The following TAOK1 variants were observed in gnomAD, a reference collection of about 807,000 sequenced individuals.
The protein encoded by TAOK1 is TAO kinase 1.
TAOK1 carries 21 observed loss-of-function variants against 138.3 expected under a neutral mutation model. That is an observed-to-expected ratio of 0.15 (90% CI 0.11 to 0.22). TAOK1 has a LOEUF of 0.22. Ranked by LOEUF, TAOK1 falls within the 10% of genes least tolerant of loss-of-function variation. The probability of loss-of-function intolerance (pLI) is 1.00; values close to 1 mark genes in which losing one functional copy is unlikely to be tolerated. For synonymous variants in TAOK1, 361 were observed against 398.4 expected (o/e 0.91, Z 1.12); for missense variants, 651 against 1,227.7 (o/e 0.53, Z 7.02).
In TAOK1 at chr17:29,475,787, C is replaced by T. The variant is rs2030930268; in HGVS notation, c.306+16C>T. On this transcript the variant is annotated intron_variant, in intron 4 of 19. Coordinates refer to ENST00000261716, the MANE Select transcript of TAOK1 (RefSeq NM_020791.4). ...CACAGCATGGGTTGGTATTTGTTCTCCCCTTGTTGCAGTTTTAGCTGATTT... is the reference window on the plus strand; with the variant it reads ...CACAGCATGGGTTGGTATTTGTTCTTCCCTTGTTGCAGTTTTAGCTGATTT... 1 of 1,582,860 alleles carries T rather than the reference C, an allele frequency of 6.3e-7. No homozygotes were observed. The highest frequency in any genetic ancestry group is 8.7e-7 in the Non-Finnish European group (1 of 1,153,478).
chr17:29,483,602 T>C (rs537103664), intron 8 of TAOK1, among the ~76,000 whole-genome samples: 24 of 152,300 alleles, frequency 1.6e-4, no homozygotes, highest in African/African-American at 5.3e-4. Context: ...CAGTTTTTTT[T>C]CCCTAAAATG....
intron 14 of TAOK1, 38 bp from the exon 15 acceptor site, chr17:29,510,826 C>T (rs920248523): frequency 3.4e-5 from 50 of 1,482,766 alleles, no homozygotes; most frequent in Non-Finnish European, 4.4e-5. Flanking sequence ...ACTTTATCTA[C>T]TTAACTAAAT....
At chr17:29,489,013 G>A (rs531562445) in intron 8 of TAOK1, among the ~76,000 whole-genome samples, 1 of 152,262 alleles carries the variant, frequency 6.6e-6, no homozygotes, top group African/African-American at 2.4e-5. Flanking sequence ...ATATTATTGG[G>A]ACATCTGAAT....
chr17:29,520,607 G>T (rs2150766574), intron 16 of TAOK1, among the ~76,000 whole-genome samples: 1 of 151,872 alleles, frequency 6.6e-6, no homozygotes, highest in Middle Eastern at 3.4e-3. Flanking sequence ...TAGAGACTGG[G>T]TTTCACCATG....
intron 14 of TAOK1, among the ~76,000 whole-genome samples, chr17:29,509,489 A>C (rs1189097105): frequency 6.6e-6 from 1 of 152,006 alleles, no homozygotes; most frequent in Non-Finnish European, 1.5e-5. Flanking sequence ...GATGTGAGCC[A>C]CCACACTTGA....
intron 3 of TAOK1, among the ~76,000 whole-genome samples, chr17:29,468,762 T>C (rs1265929723): frequency 6.6e-6 from 1 of 152,030 alleles, no homozygotes; most frequent in Non-Finnish European, 1.5e-5. Flanking sequence ...TTGGCCAGGC[T>C]GGTCTTGAAC....
chr17:29,424,631 G>A (rs1905577178), intron 1 of TAOK1: 1 of 152,034 alleles, frequency 6.6e-6, no homozygotes, highest in Non-Finnish European at 1.5e-5. Context: ...AGTAGGAGAT[G>A]CCTATTTTTG....
chr17:29,531,459 T>G (rs1351676998), intron 18 of TAOK1, among the ~76,000 whole-genome samples: 1 of 105,192 alleles, frequency 9.5e-6, no homozygotes, highest in Admixed American at 1.2e-4. Context: ...TTTGTAAACT[T>G]TTTTTTAAAG....
Position 29,406,299 on chromosome 17 carries a change from G to T in TAOK1, c.-95+15275G>T, listed in dbSNP as rs144810862. ...AACCATTTATTTAACTGTTATACAG[G>T]TAGAGTTAAGGGGTGTTTAGGAGTA... On this transcript the variant is annotated intron_variant, in intron 1 of 19. Coordinates refer to ENST00000261716, the MANE Select transcript of TAOK1 (RefSeq NM_020791.4). Among the ~76,000 whole-genome samples, 374 of 152,054 alleles carry T rather than the reference G, an allele frequency of 2.5e-3. 1 individual carries two copies. The highest frequency in any genetic ancestry group is 4.1e-3 in the Non-Finnish European group (280 of 68,006).
intron 17 of TAOK1, among the ~76,000 whole-genome samples, chr17:29,529,183 C>G (rs1047230772): frequency 6.6e-6 from 1 of 152,116 alleles, no homozygotes; most frequent in East Asian, 1.9e-4. Flanking sequence ...TATGTTGGCT[C>G]AGGCTAGTCT....
At position 29,495,744 on chromosome 17, in the gene TAOK1, T is replaced by A. The variant is rs1567734830; in HGVS notation, c.999+17T>A. ...GAAGAAGAGGTAAGAGATAAAAAAA[T>A]GACTCCAATATTGAATTTTCACTTT... On this transcript the variant is annotated intron_variant, in intron 11 of 19. Coordinates refer to ENST00000261716, the MANE Select transcript of TAOK1 (RefSeq NM_020791.4). The A allele has an allele frequency of 6.4e-7, 1 of 1,570,810 alleles. No homozygotes were observed. Among genetic ancestry groups the A allele is most frequent in the Non-Finnish European group, 8.6e-7 (1 of 1,157,194 alleles).
Position 29,475,768 on chromosome 17 carries a change from A to C in TAOK1, c.303A>C (p.Ala101=). The C allele has an allele frequency of 6.2e-7, 1 of 1,609,484 alleles. No homozygotes were observed. Among genetic ancestry groups the C allele is most frequent in the Non-Finnish European group, 8.5e-7 (1 of 1,177,046 alleles). Residue 101 remains alanine (A), a synonymous_variant, in exon 4 of 20, where the codon GCA becomes GCC. Coordinates refer to ENST00000261716, the MANE Select transcript of TAOK1 (RefSeq NM_020791.4). ...GCTGTTATTTACGTGAACACACAGCATGGGTTGGTATTTGTTCTCCCCTTG... is the reference window on the plus strand; with the variant it reads ...GCTGTTATTTACGTGAACACACAGCCTGGGTTGGTATTTGTTCTCCCCTTG... ...YKGCYLREHT[A]WLVMEYCLGS...
At chr17:29,448,020 C>CT (rs78328596) in intron 1 of TAOK1, among the ~76,000 whole-genome samples, 32,444 of 116,774 alleles carry the variant, frequency 0.28, 4,267 homozygotes, top group East Asian at 0.67. Flanking sequence ...CCGAGTTTAT[C>CT]TTTTTTTTTA....
chr17:29,522,803 A>G (rs768877254), intron 17 of TAOK1, among the ~76,000 whole-genome samples: 3 of 152,144 alleles, frequency 2.0e-5, no homozygotes, highest in Non-Finnish European at 4.4e-5. Context: ...GGCAGGGTGC[A>G]GTGGCTCACG....
chr17:29,417,402 T>A (rs1176296475), intron 1 of TAOK1, among the ~76,000 whole-genome samples: 1 of 152,212 alleles, frequency 6.6e-6, no homozygotes, highest in Non-Finnish European at 1.5e-5. Context: ...CCTTATTAGA[T>A]GTAGGTTTTG....
At chr17:29,443,720 TAGATA>T (rs1299851780) in intron 1 of TAOK1, among the ~76,000 whole-genome samples, 2 of 152,190 alleles carry the variant, frequency 1.3e-5, no homozygotes, top group Non-Finnish European at 2.9e-5. Flanking sequence ...AAGAACAGAT[TAGATA>T]ATTTAAAAAA....
chr17:29,454,961 G>C (rs2030338140), intron 2 of TAOK1, among the ~76,000 whole-genome samples: 1 of 152,068 alleles, frequency 6.6e-6, no homozygotes, highest in African/African-American at 2.4e-5. Flanking sequence ...TTGTCACCCA[G>C]GCTGGAGTAC....
intron 2 of TAOK1, among the ~76,000 whole-genome samples, chr17:29,453,570 TG>T (rs921178156): frequency 4.0e-5 from 6 of 151,518 alleles, no homozygotes; most frequent in African/African-American, 1.2e-4. Flanking sequence ...TTAGATTTTT[TG>T]TTTTGTTTTG....
intron 1 of TAOK1, among the ~76,000 whole-genome samples, chr17:29,449,540 TA>T (rs1443166439): frequency 6.6e-6 from 1 of 152,130 alleles, no homozygotes; most frequent in African/African-American, 2.4e-5. Context: ...TTTTTTCTCT[TA>T]AAAGTCTGAT....
Sources: allele counts gnomAD v4.1 joint callset (sites outside exome capture counted in the v4.1 genomes callset), GRCh38; gene constraint gnomAD v4.1.1; transcripts MANE v1.5; gene names NCBI Gene and HGNC (gene_info 2026-07-23, HGNC 2026-07-21).